SUMF1: variants seen among roughly 807,000 people sequenced by gnomAD.
SUMF1 encodes formylglycine-generating enzyme.
SUMF1 carries 48 observed loss-of-function variants against 47.6 expected under a neutral mutation model. That is an observed-to-expected ratio of 1.01 (90% CI 0.80 to 1.28). SUMF1 has a LOEUF of 1.28. Ranked by LOEUF, SUMF1 falls within the 50% of genes most tolerant of loss-of-function variation. The pLI, the probability that SUMF1 is intolerant of heterozygous loss-of-function variation, is 0.00. For missense variants in SUMF1, 571 were observed against 485.4 expected, an observed-to-expected ratio of 1.18 and a Z score of -1.66; for synonymous variants, 230 against 192.1, an observed-to-expected ratio of 1.20 and a Z score of -1.63.
chr3:4,369,034 T>A (rs2637547), intron 8 of SUMF1, among the ~76,000 whole-genome samples: 4 of 131,124 alleles, frequency 3.1e-5, no homozygotes, highest in Non-Finnish European at 7.2e-5. Context: ...GAAGATAAGT[T>A]GGCATGCAAA....
intron 9 of SUMF1, among the ~76,000 whole-genome samples, chr3:4,054,215 T>A (rs1356762274): frequency 6.6e-6 from 1 of 152,128 alleles, no homozygotes; most frequent in Non-Finnish European, 1.5e-5. Flanking sequence ...GAAAAAGAAC[T>A]GTATATGAGC....
At chr3:4,323,052 A>C (rs1262243139) in intron 8 of SUMF1, among the ~76,000 whole-genome samples, 1 of 152,224 alleles carries the variant, frequency 6.6e-6, no homozygotes, top group Non-Finnish European at 1.5e-5. Flanking sequence ...ATTTAGCCAT[A>C]AAAGTATGCA....
rs371332440 is a variant in SUMF1, at chr3:4,256,028, T to C, written c.1014+120302A>G. Among the ~76,000 whole-genome samples, 4 of 150,648 alleles carry C rather than the reference T, an allele frequency of 2.7e-5. No homozygotes were observed. In the East Asian group the frequency reaches 5.8e-4, roughly 22 times the overall value. On this transcript the variant is annotated intron_variant and NMD_transcript_variant, in intron 8 of 12. Transcript: ENST00000448413. ...TCCTGAATGACTACTGGGTACATAATAAAATGAAGGCAGAAATAAAGATGT... is the reference window on the plus strand; with the variant it reads ...TCCTGAATGACTACTGGGTACATAACAAAATGAAGGCAGAAATAAAGATGT...
intron 8 of SUMF1, among the ~76,000 whole-genome samples, chr3:4,186,710 C>A (rs1695208248): frequency 6.6e-6 from 1 of 152,026 alleles, no homozygotes; most frequent in South Asian, 2.1e-4. Context: ...CAGAAGGTAA[C>A]CTGAATGTAA....
intron 8 of SUMF1, among the ~76,000 whole-genome samples, chr3:4,159,343 T>C (rs1694524005): frequency 6.6e-6 from 1 of 151,132 alleles, no homozygotes; most frequent in African/African-American, 2.5e-5. Flanking sequence ...AGCTTGCAAA[T>C]AATATCTTAT....
intron 3 of SUMF1, among the ~76,000 whole-genome samples, chr3:4,425,676 C>A (rs182317386): frequency 2.1e-4 from 32 of 152,262 alleles, no homozygotes; most frequent in Admixed American, 1.5e-3. Flanking sequence ...CATAAACTAA[C>A]CCACTCTCTA....
At chr3:4,081,420 G>T (rs140030824) in intron 8 of SUMF1, among the ~76,000 whole-genome samples, 1 of 152,080 alleles carries the variant, frequency 6.6e-6, no homozygotes, top group African/African-American at 2.4e-5. Flanking sequence ...CTAGCATATA[G>T]TAAACTTTAT....
intron 3 of SUMF1, among the ~76,000 whole-genome samples, chr3:4,444,619 C>T (rs12634249): frequency 2.6e-5 from 4 of 151,960 alleles, no homozygotes; most frequent in African/African-American, 7.3e-5. Context: ...AAAATAAATG[C>T]GTGATTATAG....
intron 8 of SUMF1, among the ~76,000 whole-genome samples, chr3:4,151,137 C>A (rs773704109): frequency 6.6e-6 from 1 of 150,982 alleles, no homozygotes; most frequent in African/African-American, 2.5e-5. Flanking sequence ...GGGTTTCATG[C>A]AACAGAGAAC....
At chr3:4,035,950 T>G (rs2125013747) in intron 9 of SUMF1, among the ~76,000 whole-genome samples, 1 of 152,290 alleles carries the variant, frequency 6.6e-6, no homozygotes, top group Middle Eastern at 3.4e-3. Flanking sequence ...GGTGCAGTTC[T>G]TAGCCTATGT....
At chr3:4,319,663 C>T (rs2131128) in intron 8 of SUMF1, among the ~76,000 whole-genome samples, 1 of 152,276 alleles carries the variant, frequency 6.6e-6, no homozygotes, top group African/African-American at 2.4e-5. Flanking sequence ...AGTTTCACTT[C>T]TAGGTATTTA....
At chr3:4,306,754 A>G (rs1698206749) in intron 8 of SUMF1, among the ~76,000 whole-genome samples, 1 of 152,264 alleles carries the variant, frequency 6.6e-6, no homozygotes, top group African/African-American at 2.4e-5. Flanking sequence ...AGGCATATGC[A>G]CACATAAGAA....
chr3:4,082,379 G>A lies in SUMF1; in HGVS notation c.1015-13634C>T, dbSNP rs546182283. Among the ~76,000 whole-genome samples the A allele has an allele frequency of 7.2e-5, 11 of 152,174 alleles. No individual in the cohort carries two copies. The East Asian group carries it at 2.1e-3, about 29-fold the overall frequency. ...AGCTACTCGAGAGGCTGAATTGGGAGAATCGCTTGAGCCTGGGAGGTCGAG... is the reference window on the plus strand; with the variant it reads ...AGCTACTCGAGAGGCTGAATTGGGAAAATCGCTTGAGCCTGGGAGGTCGAG... On this transcript the variant is annotated intron_variant and NMD_transcript_variant, in intron 8 of 12. Transcript: ENST00000448413.
intron 8 of SUMF1, among the ~76,000 whole-genome samples, chr3:4,145,871 C>T (rs926523319): frequency 2.0e-5 from 3 of 152,148 alleles, no homozygotes; most frequent in African/African-American, 7.2e-5. Context: ...TTCCTTTTCC[C>T]CCCGTCTACA....
intron 9 of SUMF1, among the ~76,000 whole-genome samples, chr3:4,065,477 A>G (rs773161212): frequency 6.6e-6 from 1 of 152,138 alleles, no homozygotes; most frequent in Non-Finnish European, 1.5e-5. Flanking sequence ...GACAAACAGA[A>G]CCGTATTTTT....
intron 7 of SUMF1, among the ~76,000 whole-genome samples, chr3:4,399,206 C>T (rs115792668): frequency 0.014 from 2,079 of 152,270 alleles, 38 homozygotes; most frequent in African/African-American, 0.048. Context: ...CCTCACTCCT[C>T]GTTTTGTTCA....
chr3:4,083,839 CAAAA>C (rs68132287), intron 8 of SUMF1, among the ~76,000 whole-genome samples: 4 of 95,934 alleles, frequency 4.2e-5, no homozygotes, highest in South Asian at 3.0e-4. Context: ...ACAGGCATGT[CAAAA>C]AAAAAAAAAA....
In SUMF1 at chr3:4,467,188, G is replaced by T; in HGVS notation, c.58C>A (p.Leu20Ile). The change falls in exon 1 of 9, where the codon CTC becomes ATC. Residue 20 changes from leucine to isoleucine, a missense_variant. Physicochemically the swap from Leu to Ile is conservative, Grantham distance 5 (BLOSUM62 2). Transcript: ENST00000272902. ...AGCAGCGAGAGCAGCAGCAGCAAGA[G>T]GACGAGACCCAGCTCAGGGCAACGT... The part of the protein sequence containing the change: ...CGRCPELGLV[L>I]LLLLLSLLCG... The T allele has an allele frequency of 6.2e-7, 1 of 1,610,686 alleles. No individual in the cohort carries two copies. Among genetic ancestry groups the T allele is most frequent in the East Asian group, 2.2e-5 (1 of 44,748 alleles).
At chr3:4,436,672 T>C (rs916913294) in intron 3 of SUMF1, among the ~76,000 whole-genome samples, 1 of 150,076 alleles carries the variant, frequency 6.7e-6, no homozygotes, top group African/African-American at 2.4e-5. Flanking sequence ...TATTTAGCAA[T>C]AAGCAATTGC....
Sources: gnomAD v4.1 joint callset for allele counts (sites outside exome capture counted in the v4.1 genomes callset) on GRCh38, gnomAD v4.1.1 for gene constraint, MANE v1.5 for transcripts, NCBI Gene and HGNC (gene_info 2026-07-23, HGNC 2026-07-21) for gene names.